The following TMEM165 variants were observed in gnomAD, a reference collection of about 807,000 sequenced individuals.
The protein encoded by TMEM165 is putative divalent cation/proton antiporter TMEM165.
Under a neutral mutation model 30.0 loss-of-function variants are expected in TMEM165, and 19 were observed. The ratio of observed to expected loss-of-function variants is 0.63; its 90% CI spans 0.44 to 0.93. The LOEUF (loss-of-function observed/expected upper bound fraction) is 0.93, where lower values mean the gene tolerates loss of function less well. TMEM165 is among the 40% of genes least tolerant of loss of function. The pLI is 0.00. For missense variants in TMEM165, 340 were observed against 417.0 expected, an observed-to-expected ratio of 0.82 and a Z score of 1.61; for synonymous variants, 168 against 162.9, an observed-to-expected ratio of 1.03 and a Z score of -0.24.
intron 4 of TMEM165, chr4:55,424,291 A>T: frequency 2.1e-6 from 1 of 480,824 alleles, no homozygotes; most frequent in South Asian, 3.2e-5. Flanking sequence ...TTATTTCATC[A>T]GGATTTGTTT....
intron 3 of TMEM165, chr4:55,443,991 T>A: frequency 2.7e-6 from 3 of 1,115,364 alleles, no homozygotes; most frequent in African/African-American, 1.6e-5. Flanking sequence ...AAAGTATGTT[T>A]AAAAAGCAAG....
rs147314282 is a variant in TMEM165, at chr4:55,417,846, C to T, written c.653C>T (p.Thr218Met). The T allele has an allele frequency of 5.5e-5, 88 of 1,612,128 alleles. No individual in the cohort carries two copies. Among genetic ancestry groups the T allele is most frequent in the Non-Finnish European group, 6.6e-5 (78 of 1,179,546 alleles). Residue 218 changes from threonine to methionine, a missense_variant, in exon 4 of 6, where the codon ACG (threonine) becomes ATG (methionine). Physicochemically the swap from Thr to Met is moderately conservative, Grantham distance 81. Coordinates refer to ENST00000381334, the MANE Select transcript of TMEM165 (RefSeq NM_018475.5). Reference protein sequence around the residue: ...KLLNGPGDVETGTSITVPQKK... With the variant: ...KLLNGPGDVEMGTSITVPQKK... ...TTAAATGGACCGGGAGATGTTGAAA[C>T]GGGTACAAGCATAACAGTACCTCAG...
At chr4:55,432,845 TCCC>T (rs1577656902) in intron 3 of TMEM165, 3 of 152,544 alleles carry the variant, frequency 2.0e-5, no homozygotes, top group East Asian at 3.9e-4. Flanking sequence ...TTTAATTTTT[TCCC>T]CCGACTATTT....
chr4:55,424,766 T>A, intron 5 of TMEM165, 123 bp downstream of exon 5: 1 of 648,444 alleles, frequency 1.5e-6, no homozygotes, highest in Non-Finnish European at 2.6e-6. Flanking sequence ...TTACCTACCA[T>A]CTCTTATAGA....
intron 4 of TMEM165, among the ~76,000 whole-genome samples, chr4:55,418,734 AAGG>A (rs1578241248): frequency 6.6e-6 from 1 of 152,132 alleles, no homozygotes; most frequent in Admixed American, 6.6e-5. Flanking sequence ...AAAATTTTAA[AAGG>A]AGGTTTACTT....
At chr4:55,449,838 T>A (rs943178334) in intron 3 of TMEM165, among the ~76,000 whole-genome samples, 3 of 152,162 alleles carry the variant, frequency 2.0e-5, no homozygotes, top group African/African-American at 7.2e-5. Flanking sequence ...AATAGTTGCC[T>A]TTCTTTTTGA....
At chr4:55,443,979 AC>A in intron 3 of TMEM165, 1 of 1,252,622 alleles carries the variant, frequency 8.0e-7, no homozygotes, top group Non-Finnish European at 1.1e-6. Context: ...AAATCAAGCT[AC>A]AAAGTATGTT....
At chr4:55,444,233 G>A (rs905869832) in intron 3 of TMEM165, among the ~76,000 whole-genome samples, 2 of 152,136 alleles carry the variant, frequency 1.3e-5, no homozygotes, top group Non-Finnish European at 2.9e-5. Flanking sequence ...CTCCTAGAGT[G>A]GTCCTGCTGG....
At chr4:55,396,482 C>A in intron 1 of TMEM165, 86 bp downstream of exon 1, 1 of 1,187,144 alleles carries the variant, frequency 8.4e-7, no homozygotes, top group Non-Finnish European at 1.1e-6. Flanking sequence ...CGCCGCACTC[C>A]GCCGGCCTCG....
At chr4:55,415,644 C>T (rs939713908) in intron 2 of TMEM165, 1 of 152,080 alleles carries the variant, frequency 6.6e-6, no homozygotes. Flanking sequence ...AAATATACAT[C>T]CATACATATA....
At chr4:55,396,485 C>A in intron 1 of TMEM165, 89 bp downstream of exon 1, 1 of 1,176,512 alleles carries the variant, frequency 8.5e-7, no homozygotes, top group Non-Finnish European at 1.1e-6. Flanking sequence ...CGCACTCCGC[C>A]GGCCTCGGCT....
intron 3 of TMEM165, among the ~76,000 whole-genome samples, chr4:55,445,659 T>C (rs1369820742): frequency 3.5e-5 from 5 of 143,846 alleles, no homozygotes; most frequent in African/African-American, 5.1e-5. Flanking sequence ...GGTGCGATCA[T>C]GGCTCTCTAC....
rs1721507371 is a variant in TMEM165, at chr4:55,411,745, A to T, written c.339A>T (p.Thr113=). 6 of 1,614,154 alleles carry T rather than the reference A, an allele frequency of 3.7e-6. No individual in the cohort carries two copies. Among genetic ancestry groups the T allele is most frequent in the Non-Finnish European group, 5.1e-6 (6 of 1,180,030 alleles). Residue 113 remains threonine (T), a synonymous_variant, in exon 2 of 6, where the codon ACA becomes ACT. Transcript: ENST00000381334. ...TTGTATCTGAATTGGGTGATAAGAC[A>T]TTTTTTATAGCAGCCATCATGGCAA... ...VIIVSELGDK[T]FFIAAIMAMR...
At chr4:55,443,434 C>G (rs1352366932) in intron 3 of TMEM165, among the ~76,000 whole-genome samples, 3 of 146,124 alleles carry the variant, frequency 2.1e-5, no homozygotes, top group African/African-American at 7.6e-5. Context: ...AAGGTCACGC[C>G]ATTGCACTCC....
intron 4 of TMEM165, among the ~76,000 whole-genome samples, chr4:55,421,890 C>T (rs958142964): frequency 7.0e-6 from 1 of 142,070 alleles, no homozygotes; most frequent in Non-Finnish European, 1.5e-5. Context: ...TTCGTGTGTA[C>T]CAATTTTTTC....
At chr4:55,417,609 A>G (rs561353751) in intron 3 of TMEM165, 194 bp from the exon 4 acceptor site, 2 of 588,658 alleles carry the variant, frequency 3.4e-6, no homozygotes, top group Admixed American at 6.6e-5. Flanking sequence ...CTGAGGAGAA[A>G]CGGAAGAATT....
In TMEM165 at chr4:55,448,471, C is replaced by T. The variant is rs144570123; in HGVS notation, c.409-3768C>T. Among the ~76,000 whole-genome samples the T allele has an allele frequency of 3.2e-3, 485 of 152,268 alleles. 3 individuals carry two copies. Among genetic ancestry groups the T allele is most frequent in the Non-Finnish European group, 5.6e-3 (381 of 68,016 alleles). ...AGATATTTAGTATTCCTGGACCATG[C>T]TCACTAAGGGCCAGTGATACCCCAC... is the stretch of plus-strand genomic sequence containing the variant. On this transcript the variant is annotated intron_variant, in intron 3 of 3. Transcript: ENST00000608091.
rs56157186 is a variant in TMEM165, at chr4:55,445,582, C to CTTTTTTTTTTTTTTT, written c.409-6645_409-6631dup. On this transcript the variant is annotated intron_variant, in intron 3 of 3. Transcript: ENST00000608091. ...TCTCTGCATCTGCTATTTCTATATT[C>CTTTTTTTTTTTTTTT]TTTTTTTTTTTTTTTTTTTTTTTTT... Among the ~76,000 whole-genome samples, 291 of 68,582 alleles carry CTTTTTTTTTTTTTTT rather than the reference C, an allele frequency of 4.2e-3. 52 individuals carry two copies. Among genetic ancestry groups the CTTTTTTTTTTTTTTT allele is most frequent in the South Asian group, 5.6e-3 (7 of 1,250 alleles). The allele number at this position is 68,582 out of a possible 152,430, so 45.0% of individuals were successfully genotyped here. A position where few individuals can be genotyped will look rare whatever the true frequency, so the allele number is the denominator to read the frequency against.
intron 1 of TMEM165, among the ~76,000 whole-genome samples, chr4:55,400,272 AATATAATATTATATATTAT>A (rs1465173766): frequency 3.7e-4 from 31 of 83,174 alleles, no homozygotes; most frequent in African/African-American, 1.4e-3. Context: ...TATAATATAT[AATATAATATTATATATTAT>A]ATATAATATT....
Sources: gnomAD v4.1 joint callset for allele counts (sites outside exome capture counted in the v4.1 genomes callset) on GRCh38, gnomAD v4.1.1 for gene constraint, MANE v1.5 for transcripts, NCBI Gene and HGNC (gene_info 2026-07-23, HGNC 2026-07-21) for gene names.